The following NEMP1 variants were observed in gnomAD, a reference collection of about 807,000 sequenced individuals.
NEMP1 encodes nuclear envelope integral membrane protein 1, also known as transmembrane protein 194.
In NEMP1, 29 loss-of-function variants were observed where a neutral mutation model predicts 53.7. That is an observed-to-expected ratio of 0.54 (90% CI 0.40 to 0.74). The LOEUF (loss-of-function observed/expected upper bound fraction) is 0.74. Ranked by LOEUF, NEMP1 falls within the 30% of genes least tolerant of loss-of-function variation. NEMP1 has a pLI of 0.00. For synonymous variants in NEMP1, 193 were observed against 192.9 expected, an observed-to-expected ratio of 1.00 and a Z score of 0.00; for missense variants, 477 against 528.6, an observed-to-expected ratio of 0.90 and a Z score of 0.96.
intron 5 of NEMP1, 85 bp downstream of exon 5, chr12:57,064,561 T>C: frequency 2.9e-6 from 3 of 1,017,864 alleles, no homozygotes; most frequent in Admixed American, 4.3e-5. Context: ...CAATACACAT[T>C]TTCAGTTTTC....
chr12:57,083,477 G>A (rs1182078796), upstream of NEMP1, among the ~76,000 whole-genome samples: 1 of 152,350 alleles, frequency 6.6e-6, no homozygotes, highest in South Asian at 2.1e-4. Context: ...GGCCAACACT[G>A]ATGAGTAAAT....
In NEMP1 at chr12:57,058,022, A is replaced by G. The variant is rs958051391; in HGVS notation, c.*1857T>C. 2.0e-5 allele frequency: 3 copies of G among 152,240 alleles called. No individual in the cohort carries two copies. The highest frequency in any genetic ancestry group is 7.2e-5 in the African/African-American group (3 of 41,466). The allele number at this position is 152,240 out of a possible 1,614,324, so 9.4% of individuals were successfully genotyped here. ...TTTAATAGTTCTTTGTAGAGAGAGA[A>G]CATTTTACCATGTACATAATTCACA... is the stretch of plus-strand genomic sequence containing the variant. On this transcript the variant is annotated 3_prime_UTR_variant, in exon 9 of 9. Coordinates refer to ENST00000300128, the MANE Select transcript of NEMP1 (RefSeq NM_001130963.2).
Position 57,056,047 on chromosome 12 carries a change from A to G in NEMP1, c.*3832T>C, listed in dbSNP as rs76127168. On this transcript the variant is annotated 3_prime_UTR_variant, in exon 9 of 9. Transcript: ENST00000300128. ...TTTCACCATTTTCAAATTATCATCA[A>G]GAGTGTGAAAGAGGAAGATGACACA... 9 of 152,364 alleles carry G rather than the reference A, an allele frequency of 5.9e-5. No homozygotes were observed. In the East Asian group the frequency reaches 1.7e-3, roughly 29 times the overall value. The allele number at this position is 152,364 out of a possible 1,614,324, so 9.4% of individuals were successfully genotyped here. A position where few individuals can be genotyped will look rare whatever the true frequency, so the allele number is the denominator to read the frequency against.
In NEMP1 at chr12:57,085,986, G is replaced by C. The variant is rs77053434; in HGVS notation, n.113+1965C>G. On this transcript the variant is annotated intron_variant and non_coding_transcript_variant, in intron 1 of 2. Transcript: ENST00000553654. ...TATCCTGGAGAGGTCCTGGATTTCG[G>C]CTGAAACAAGCAACTATAATTGGAA... 4.4e-3 allele frequency among the ~76,000 whole-genome samples: 673 copies of C among 152,312 alleles called. 5 individuals carry two copies. Among genetic ancestry groups the C allele is most frequent in the African/African-American group, 0.015 (627 of 41,552 alleles).
Position 57,056,999 on chromosome 12 carries a change from T to C in NEMP1, c.*2880A>G, listed in dbSNP as rs569995967. 1.3e-5 allele frequency: 2 copies of C among 152,366 alleles called. No individual in the cohort carries two copies. Among genetic ancestry groups the C allele is most frequent in the East Asian group, 3.9e-4 (2 of 5,194 alleles). The allele number at this position is 152,366 out of a possible 1,614,324, so 9.4% of individuals were successfully genotyped here. On this transcript the variant is annotated 3_prime_UTR_variant, in exon 9 of 9. Transcript: ENST00000300128. ...GGATGCAGTGGCTAACAGGAATTAC[T>C]TATTAGAAGGTAATGAAGTTGCTAA...
intron 1 of NEMP1, among the ~76,000 whole-genome samples, chr12:57,078,313 G>A (rs2032726703): frequency 6.6e-6 from 1 of 152,024 alleles, no homozygotes; most frequent in Non-Finnish European, 1.5e-5. Context: ...AGAAACTCAA[G>A]GCTTCTGCAA....
chr12:57,070,437 C>T (rs2032289718), intron 3 of NEMP1, among the ~76,000 whole-genome samples: 1 of 152,178 alleles, frequency 6.6e-6, no homozygotes, highest in South Asian at 2.1e-4. Context: ...GAATAAAAGT[C>T]TTCACAGTTC....
Position 57,059,970 on chromosome 12 carries a change from G to T in NEMP1, c.1244C>A (p.Ala415Asp). The T allele has an allele frequency of 6.2e-7, 1 of 1,613,622 alleles. No individual in the cohort carries two copies. The change falls in exon 9 of 9, where the codon GCC becomes GAC. Residue 415 changes from alanine to aspartate, a missense_variant. Coordinates refer to ENST00000300128, the MANE Select transcript of NEMP1 (RefSeq NM_001130963.2). ...TGCTTCCTCATAGATTTCATCCTGG[G>T]CAATAATGCTCCCTAATCCATACTC... is the stretch of plus-strand genomic sequence containing the variant. ...EQEYGLGSII[A>D]QDEIYEEASS...
At chr12:57,087,161 C>T (rs2033022235) in intron 1 of NEMP1, among the ~76,000 whole-genome samples, 1 of 152,246 alleles carries the variant, frequency 6.6e-6, no homozygotes. Flanking sequence ...TCCTCCCTCC[C>T]CCTCTTTCCC....
chr12:57,062,025 T>C (rs2031834835), intron 7 of NEMP1, among the ~76,000 whole-genome samples: 1 of 152,116 alleles, frequency 6.6e-6, no homozygotes, highest in Admixed American at 6.6e-5. Context: ...GTCCAGTAAC[T>C]TGGTTTCCCA....
chr12:57,063,045 C>A (rs2031893429), intron 7 of NEMP1, 74 bp downstream of exon 7: 1 of 1,200,766 alleles, frequency 8.3e-7, no homozygotes. Flanking sequence ...CAGGTCAACA[C>A]CTCTGTATCC....
intron 1 of NEMP1, among the ~76,000 whole-genome samples, chr12:57,077,101 G>T (rs1043694290): frequency 6.6e-6 from 1 of 152,156 alleles, no homozygotes; most frequent in African/African-American, 2.4e-5. Flanking sequence ...GGGAGGCCGA[G>T]GCGGGCGGAT....
rs1361762688 is a variant in NEMP1, at chr12:57,076,200, A to C, written c.127+2419T>G. Among the ~76,000 whole-genome samples, 6 of 151,428 alleles carry C rather than the reference A, an allele frequency of 4.0e-5. No individual in the cohort carries two copies. In the Admixed American group the frequency reaches 4.0e-4, roughly 10 times the overall value. ...ATCCAACCAACAGTACAAACCACCA[A>C]TATCCAACCAAATGTTTAATCCACA... On this transcript the variant is annotated intron_variant, in intron 1 of 8. Transcript: ENST00000300128.
At chr12:57,088,028 C>T (rs894747302) in exon 1 of NEMP1, 1 of 152,364 alleles carries the variant, frequency 6.6e-6, no homozygotes, top group African/African-American at 2.4e-5. Flanking sequence ...TCAAGGCGCT[C>T]CTCCTTCCAG....
intron 2 of NEMP1, 45 bp downstream of exon 2, chr12:57,072,741 CAG>C: frequency 6.5e-7 from 1 of 1,549,878 alleles, no homozygotes; most frequent in Non-Finnish European, 8.7e-7. Flanking sequence ...TAATCACCAA[CAG>C]AAATTTACAG....
chr12:57,077,146 C>G (rs1023842658), intron 1 of NEMP1, among the ~76,000 whole-genome samples: 1 of 151,840 alleles, frequency 6.6e-6, no homozygotes, highest in African/African-American at 2.4e-5. Context: ...TCCTGGCTAA[C>G]ACGGTGAAAC....
Position 57,058,345 on chromosome 12 carries a change from A to G in NEMP1, c.*1534T>C, listed in dbSNP as rs1009126886. ...AGTCATTACGGCTTTTTAAAAAATC[A>G]TCTGCCTTTTTCCATCATCTTGGTG... is the stretch of plus-strand genomic sequence containing the variant. On this transcript the variant is annotated 3_prime_UTR_variant, in exon 9 of 9. Coordinates refer to ENST00000300128, the MANE Select transcript of NEMP1 (RefSeq NM_001130963.2). The G allele has an allele frequency of 1.3e-5, 2 of 152,222 alleles. No homozygotes were observed. Among genetic ancestry groups the G allele is most frequent in the Admixed American group, 6.5e-5 (1 of 15,282 alleles). 9.4% of individuals were successfully genotyped at this position (152,222 alleles called of 1,614,324 possible).
At chr12:57,080,539 A>G (rs961937875), upstream of NEMP1, among the ~76,000 whole-genome samples, 15 of 148,168 alleles carry the variant, frequency 1.0e-4, no homozygotes, top group Non-Finnish European at 2.2e-4. Context: ...AGATCGCCCC[A>G]TTGCACTCCA....
intron 3 of NEMP1, among the ~76,000 whole-genome samples, chr12:57,069,936 A>G (rs546876470): frequency 1.9e-4 from 29 of 151,586 alleles, no homozygotes; most frequent in Non-Finnish European, 4.0e-4. Flanking sequence ...GTAACTGTAG[A>G]AGGAACGTCA....
Sources: gnomAD v4.1 joint callset for allele counts (sites outside exome capture counted in the v4.1 genomes callset) on GRCh38, gnomAD v4.1.1 for gene constraint, MANE v1.5 for transcripts, NCBI Gene and HGNC (gene_info 2026-07-23, HGNC 2026-07-21) for gene names.